Variants in LRRC40 observed in about 807,000 individuals in gnomAD.
LRRC40 encodes leucine rich repeat containing 40.
A neutral mutation model predicts 72.8 loss-of-function variants in LRRC40; 76 were observed. The ratio of observed to expected loss-of-function variants is 1.04; its 90% CI spans 0.87 to 1.26. The LOEUF (loss-of-function observed/expected upper bound fraction) is 1.26, where lower values mean the gene tolerates loss of function less well. LRRC40 is among the 50% of genes most tolerant of loss of function. LRRC40 has a pLI of 0.00. For synonymous variants in LRRC40, 243 were observed against 254.2 expected (o/e 0.96, Z 0.42); for missense variants, 684 against 698.9 (o/e 0.98, Z 0.24).
chr1:70,187,813 A>G (rs1164589424), intron 2 of LRRC40, among the ~76,000 whole-genome samples: 5 of 145,462 alleles, frequency 3.4e-5, no homozygotes. Flanking sequence ...CCTGGGCTAC[A>G]GAGTGAGACC....
intron 12 of LRRC40, 121 bp from the exon 13 acceptor site, chr1:70,151,326 G>T: frequency 1.6e-6 from 1 of 619,524 alleles, no homozygotes; most frequent in Non-Finnish European, 2.9e-6. Flanking sequence ...TCCTTGATCT[G>T]ACTTTATAAA....
At chr1:70,194,157 G>A (rs1283512257) in intron 1 of LRRC40, among the ~76,000 whole-genome samples, 2 of 151,980 alleles carry the variant, frequency 1.3e-5, no homozygotes, top group African/African-American at 4.8e-5. Context: ...AAGTAAAACT[G>A]TCCCAATTAA....
rs1424115343 is a variant in LRRC40 at position 70,187,282 on chromosome 1, A to C, written c.390T>G (p.Leu130=). 1 of 1,578,744 alleles carries C rather than the reference A, an allele frequency of 6.3e-7. No homozygotes were observed. Among genetic ancestry groups the C allele is most frequent in the Non-Finnish European group, 8.7e-7 (1 of 1,150,298 alleles). Residue 130 remains leucine, a synonymous_variant, in exon 3 of 15, where the codon CTT becomes CTG. Transcript: ENST00000370952. ...LPSAIRELEN[L]QKLNVSHNKL... ...ATTTTTACCTGACATTAAGTTTCTG[A>C]AGATTTTCTAGCTCTCTTATAGCAG...
chr1:70,197,623 A>T, intron 1 of LRRC40, among the ~76,000 whole-genome samples: 1 of 141,036 alleles, frequency 7.1e-6, no homozygotes, highest in Non-Finnish European at 1.5e-5. Context: ...AAACTGTCTT[A>T]CTCTTTTTTC....
intron 11 of LRRC40, 122 bp from the exon 12 acceptor site, chr1:70,152,665 C>T (rs1371576318): frequency 1.6e-6 from 1 of 642,590 alleles, no homozygotes; most frequent in East Asian, 2.8e-5. Flanking sequence ...CTTTTTGTAC[C>T]TTTTACTTTT....
intron 1 of LRRC40, among the ~76,000 whole-genome samples, chr1:70,205,134 T>C (rs1411266258): frequency 1.3e-5 from 2 of 152,220 alleles, no homozygotes; most frequent in Non-Finnish European, 2.9e-5. Flanking sequence ...AATGTGGGAA[T>C]CCCAGAAAGC....
At chr1:70,150,064 G>A (rs760383224) in intron 13 of LRRC40, among the ~76,000 whole-genome samples, 6 of 151,992 alleles carry the variant, frequency 3.9e-5, no homozygotes, top group Non-Finnish European at 8.8e-5. Flanking sequence ...TGGGTTTACA[G>A]GCCACCACCA....
intron 13 of LRRC40, 81 bp downstream of exon 13, chr1:70,151,047 T>C: frequency 1.3e-6 from 1 of 748,200 alleles, no homozygotes; most frequent in Non-Finnish European, 2.2e-6. Flanking sequence ...GGCCTTTTTG[T>C]TTTTTTGGCT....
chr1:70,161,945 T>C (rs1667773613), intron 9 of LRRC40, among the ~76,000 whole-genome samples: 2 of 152,166 alleles, frequency 1.3e-5, no homozygotes, highest in African/African-American at 4.8e-5. Context: ...CAGTAATATA[T>C]GTATGTTGAA....
intron 2 of LRRC40, among the ~76,000 whole-genome samples, chr1:70,187,564 C>T (rs928673062): frequency 3.3e-5 from 5 of 152,108 alleles, no homozygotes; most frequent in South Asian, 4.2e-4. Flanking sequence ...GTGGCTCACA[C>T]CTGTAATCCC....
At chr1:70,192,539 C>T (rs1668524249) in intron 1 of LRRC40, among the ~76,000 whole-genome samples, 1 of 151,986 alleles carries the variant, frequency 6.6e-6, no homozygotes, top group Non-Finnish European at 1.5e-5. Flanking sequence ...GCACTATTCA[C>T]AATTGCAAAA....
At chr1:70,191,356 C>T (rs1668496210) in intron 1 of LRRC40, among the ~76,000 whole-genome samples, 1 of 151,958 alleles carries the variant, frequency 6.6e-6, no homozygotes, top group African/African-American at 2.4e-5. Flanking sequence ...AGTGTAATAA[C>T]AAATGTCTTT....
At chr1:70,167,639 G>A (rs1331375111) in intron 9 of LRRC40, among the ~76,000 whole-genome samples, 1 of 152,126 alleles carries the variant, frequency 6.6e-6, no homozygotes, top group African/African-American at 2.4e-5. Context: ...TTGAGATGGA[G>A]TCTTGCTCTG....
intron 5 of LRRC40, chr1:70,180,553 T>C (rs1668221215): frequency 6.6e-6 from 1 of 152,230 alleles, no homozygotes; most frequent in African/African-American, 2.4e-5. Context: ...ACCTTGACTT[T>C]TTTAATCCCT....
intron 14 of LRRC40, among the ~76,000 whole-genome samples, 163 bp downstream of exon 14, chr1:70,148,324 T>C (rs1352625332): frequency 6.6e-6 from 1 of 152,138 alleles, no homozygotes; most frequent in Non-Finnish European, 1.5e-5. Context: ...TTGGTAAAAT[T>C]TGAAAAACAG....
At chr1:70,195,618 T>C (rs1053571455) in intron 1 of LRRC40, among the ~76,000 whole-genome samples, 1 of 152,146 alleles carries the variant, frequency 6.6e-6, no homozygotes, top group African/African-American at 2.4e-5. Context: ...GGTGAATTCT[T>C]ATAATGTTAA....
At chr1:70,171,847 ATAT>A (rs1217873781) in intron 9 of LRRC40, among the ~76,000 whole-genome samples, 3 of 152,174 alleles carry the variant, frequency 2.0e-5, no homozygotes, top group Non-Finnish European at 4.4e-5. Flanking sequence ...ACTCCTAGGT[ATAT>A]ACACCCAAGA....
intron 4 of LRRC40, among the ~76,000 whole-genome samples, chr1:70,181,836 T>C (rs1668253580): frequency 6.6e-6 from 1 of 152,096 alleles, no homozygotes; most frequent in South Asian, 2.1e-4. Context: ...ATGATTATGT[T>C]TGCTTTTTCT....
At chr1:70,204,178 A>T (rs1668830682) in intron 1 of LRRC40, among the ~76,000 whole-genome samples, 1 of 152,226 alleles carries the variant, frequency 6.6e-6, no homozygotes, top group Non-Finnish European at 1.5e-5. Flanking sequence ...ATTTGAGAAT[A>T]CTCATTCACT....
Sources: allele counts gnomAD v4.1 joint callset (sites outside exome capture counted in the v4.1 genomes callset), GRCh38; gene constraint gnomAD v4.1.1; transcripts MANE v1.5; gene names NCBI Gene and HGNC (gene_info 2026-07-23, HGNC 2026-07-21).